CNTN5: variants seen among roughly 807,000 people sequenced by gnomAD.
CNTN5 encodes contactin 5.
Under a neutral mutation model 129.1 loss-of-function variants are expected in CNTN5, and 77 were observed. The observed-to-expected ratio is 0.60, with a 90% CI of 0.50 to 0.72. CNTN5 has a LOEUF of 0.72. CNTN5 is among the 30% of genes least tolerant of loss of function. The probability of loss-of-function intolerance (pLI) is 0.00; values close to 1 mark genes in which losing one functional copy is unlikely to be tolerated. For synonymous variants in CNTN5, 509 were observed against 465.6 expected (o/e 1.09, Z -1.20); for missense variants, 1,478 against 1,328.8 (o/e 1.11, Z -1.75).
chr11:99,626,440 T>A (rs1465395547), intron 3 of CNTN5, among the ~76,000 whole-genome samples: 1 of 152,118 alleles, frequency 6.6e-6, no homozygotes, highest in South Asian at 2.1e-4. Context: ...TTCATTTAGT[T>A]TGATGCAGCT....
chr11:99,503,145 G>A (rs751112638), intron 2 of CNTN5, among the ~76,000 whole-genome samples: 24 of 151,830 alleles, frequency 1.6e-4, no homozygotes, highest in Non-Finnish European at 3.1e-4. Flanking sequence ...TATACTATGC[G>A]TATTCCTCTA....
At chr11:99,725,351 G>A (rs1291652341) in intron 3 of CNTN5, among the ~76,000 whole-genome samples, 3 of 151,840 alleles carry the variant, frequency 2.0e-5, no homozygotes, top group Non-Finnish European at 4.4e-5. Context: ...GATAGAGAGC[G>A]ATTTTCAAAG....
At chr11:100,118,969 A>C (rs1015668899) in intron 13 of CNTN5, among the ~76,000 whole-genome samples, 1 of 151,820 alleles carries the variant, frequency 6.6e-6, no homozygotes, top group Non-Finnish European at 1.5e-5. Flanking sequence ...TTTCTACGTC[A>C]TAAGCCATGT....
chr11:100,268,249 G>C (rs890983280), intron 17 of CNTN5, among the ~76,000 whole-genome samples: 2 of 152,134 alleles, frequency 1.3e-5, no homozygotes, highest in African/African-American at 4.8e-5. Context: ...GGATATATAA[G>C]TATGGTGTTT....
intron 6 of CNTN5, among the ~76,000 whole-genome samples, chr11:99,888,626 C>A (rs1948962882): frequency 1.3e-5 from 2 of 152,166 alleles, no homozygotes; most frequent in South Asian, 4.1e-4. Context: ...AGCTGAATCA[C>A]ATTTGTTAGG....
At chr11:99,040,385 T>C (rs1332689401) in intron 1 of CNTN5, among the ~76,000 whole-genome samples, 2 of 152,142 alleles carry the variant, frequency 1.3e-5, no homozygotes, top group African/African-American at 4.8e-5. Flanking sequence ...AAATTTAGTA[T>C]ATGTAGTAAA....
chr11:99,931,909 A>G (rs183317904), intron 7 of CNTN5, among the ~76,000 whole-genome samples: 29 of 152,262 alleles, frequency 1.9e-4, no homozygotes, highest in Non-Finnish European at 3.8e-4. Context: ...AGTCCTCCCT[A>G]TCTGTCATAT....
chr11:100,111,991 A>C (rs1231636309), intron 13 of CNTN5, among the ~76,000 whole-genome samples: 1 of 152,080 alleles, frequency 6.6e-6, no homozygotes, highest in African/African-American at 2.4e-5. Context: ...AAATGCTGCA[A>C]TTTTTCCAGT....
chr11:99,547,645 G>A (rs905175743), intron 2 of CNTN5, among the ~76,000 whole-genome samples: 1 of 152,086 alleles, frequency 6.6e-6, no homozygotes, highest in African/African-American at 2.4e-5. Flanking sequence ...AAAGTTAATT[G>A]CATTATCCTC....
At chr11:99,991,340 C>G (rs1018461472) in intron 8 of CNTN5, among the ~76,000 whole-genome samples, 6 of 125,224 alleles carry the variant, frequency 4.8e-5, no homozygotes, top group Non-Finnish European at 9.8e-5. Flanking sequence ...GGTGGTGGGT[C>G]CCTGTAGTTC....
At chr11:99,647,060 TTTA>T (rs1410682213) in intron 3 of CNTN5, among the ~76,000 whole-genome samples, 1 of 152,168 alleles carries the variant, frequency 6.6e-6, no homozygotes, top group East Asian at 1.9e-4. Context: ...TGTTTCTGCT[TTTA>T]TTGTCTGTGC....
At chr11:99,317,824 TA>T (rs151075002) in intron 1 of CNTN5, among the ~76,000 whole-genome samples, 4 of 151,076 alleles carry the variant, frequency 2.6e-5, no homozygotes, top group South Asian at 2.1e-4. Flanking sequence ...TAACTTACTG[TA>T]AAAAAAAAGA....
At chr11:99,735,506 C>G (rs1943675816) in intron 3 of CNTN5, among the ~76,000 whole-genome samples, 1 of 152,028 alleles carries the variant, frequency 6.6e-6, no homozygotes, top group African/African-American at 2.4e-5. Flanking sequence ...TATTGACTCA[C>G]TATTTTTTGA....
chr11:99,382,844 A>AGTTTTTTTTTTTTTTTTTT lies in CNTN5; in HGVS notation c.-71+57360_-71+57361insGTTTTTTTTTTTTTTTTTT, dbSNP rs774797660. Among the ~76,000 whole-genome samples, 5 of 69,388 alleles carry AGTTTTTTTTTTTTTTTTTT rather than the reference A, an allele frequency of 7.2e-5. 2 individuals carry two copies. Among genetic ancestry groups the AGTTTTTTTTTTTTTTTTTT allele is most frequent in the Non-Finnish European group, 7.1e-5 (3 of 42,156 alleles). 45.5% of individuals were successfully genotyped at this position (69,388 alleles called of 152,430 possible). On this transcript the variant is annotated intron_variant, in intron 2 of 24. Coordinates refer to ENST00000524871, the MANE Select transcript of CNTN5 (RefSeq NM_014361.4). ...CACATCTCACTAGTGTCTCTAAATA[A>AGTTTTTTTTTTTTTTTTTT]CTTTTTTTTTTTTTTTTTTTTTTTT...
intron 1 of CNTN5, among the ~76,000 whole-genome samples, chr11:99,046,416 T>G (rs1864208772): frequency 1.3e-5 from 2 of 152,106 alleles, no homozygotes; most frequent in Admixed American, 1.3e-4. Flanking sequence ...ATACTATAAA[T>G]ATAGGATATT....
chr11:99,817,516 T>A (rs546256497), intron 3 of CNTN5, among the ~76,000 whole-genome samples: 1 of 152,236 alleles, frequency 6.6e-6, no homozygotes, highest in South Asian at 2.1e-4. Context: ...AAGTTTTTCA[T>A]TGATTATTCT....
chr11:99,713,473 T>C (rs71474536), intron 3 of CNTN5, among the ~76,000 whole-genome samples: 6,267 of 152,130 alleles, frequency 0.041, 136 homozygotes, highest in East Asian at 0.067. Context: ...CTTTTCCTAA[T>C]TGAATACCCT....
intron 9 of CNTN5, among the ~76,000 whole-genome samples, chr11:100,046,968 A>T (rs1159004769): frequency 6.6e-6 from 1 of 152,146 alleles, no homozygotes; most frequent in Non-Finnish European, 1.5e-5. Flanking sequence ...AGTTTCATAG[A>T]GCTGAAAGGA....
intron 3 of CNTN5, among the ~76,000 whole-genome samples, chr11:99,798,345 T>A (rs1171112265): frequency 6.6e-6 from 1 of 152,190 alleles, no homozygotes; most frequent in Non-Finnish European, 1.5e-5. Flanking sequence ...GATAAATTGT[T>A]CCTCAAGTCT....
Sources: gnomAD v4.1 joint callset for allele counts (sites outside exome capture counted in the v4.1 genomes callset) on GRCh38, gnomAD v4.1.1 for gene constraint, MANE v1.5 for transcripts, NCBI Gene and HGNC (gene_info 2026-07-23, HGNC 2026-07-21) for gene names.